The following PTK2 variants were observed in gnomAD, a reference collection of about 807,000 sequenced individuals.
PTK2 encodes protein tyrosine kinase 2.
Under a neutral mutation model 150.1 loss-of-function variants are expected in PTK2, and 45 were observed. The observed-to-expected ratio is 0.30, with a 90% CI of 0.24 to 0.38. PTK2 has a LOEUF of 0.38. Among genes scored for constraint, PTK2 ranks in the 10% least tolerant of loss-of-function variants. The pLI is 1.00. For synonymous variants in PTK2, 432 were observed against 449.2 expected (o/e 0.96, Z 0.48); for missense variants, 919 against 1,307.3 (o/e 0.70, Z 4.58).
chr8:140,683,814 G>C (rs1180841425), intron 27 of PTK2, among the ~76,000 whole-genome samples: 1 of 148,502 alleles, frequency 6.7e-6, no homozygotes, highest in Non-Finnish European at 1.5e-5. Flanking sequence ...CTCACTTCAT[G>C]TTAAAAACCC....
intron 23 of PTK2, among the ~76,000 whole-genome samples, chr8:140,707,248 A>T (rs2100034324): frequency 6.6e-6 from 1 of 152,188 alleles, no homozygotes; most frequent in Non-Finnish European, 1.5e-5. Flanking sequence ...GGTGATAAAA[A>T]TGTTATAGGC....
At chr8:140,992,596 G>A (rs1046699614) in intron 1 of PTK2, among the ~76,000 whole-genome samples, 2 of 152,146 alleles carry the variant, frequency 1.3e-5, no homozygotes, top group African/African-American at 2.4e-5. Context: ...CTACAATTCC[G>A]TCACTACTCT....
chr8:140,967,617 C>T (rs953808462), intron 1 of PTK2, among the ~76,000 whole-genome samples: 6 of 151,986 alleles, frequency 3.9e-5, no homozygotes, highest in East Asian at 1.9e-4. Flanking sequence ...CCTGCCACCA[C>T]GCCCAGCTAA....
intron 26 of PTK2, among the ~76,000 whole-genome samples, chr8:140,695,276 T>C (rs2100025832): frequency 6.6e-6 from 1 of 152,206 alleles, no homozygotes; most frequent in Non-Finnish European, 1.5e-5. Flanking sequence ...TCTTCTCTGC[T>C]CCTTCCCACT....
intron 22 of PTK2, among the ~76,000 whole-genome samples, chr8:140,731,117 G>A (rs2100049034): frequency 6.6e-6 from 1 of 151,906 alleles, no homozygotes; most frequent in African/African-American, 2.4e-5. Flanking sequence ...CTGCCACCAC[G>A]CCGGGCTAAT....
chr8:140,939,717 T>C (rs73714791), intron 1 of PTK2, among the ~76,000 whole-genome samples: 5,004 of 152,358 alleles, frequency 0.033, 282 homozygotes, highest in African/African-American at 0.11. Context: ...AACTAGGTAG[T>C]ATGTACACAT....
intron 1 of PTK2, among the ~76,000 whole-genome samples, chr8:140,954,234 C>A (rs962209643): frequency 6.6e-6 from 1 of 152,170 alleles, no homozygotes; most frequent in Non-Finnish European, 1.5e-5. Flanking sequence ...CCTGCCTCAA[C>A]CCCACAAAGT....
chr8:140,796,593 T>TAGA (rs768391481), intron 12 of PTK2, among the ~76,000 whole-genome samples: 8 of 152,150 alleles, frequency 5.3e-5, no homozygotes, highest in Non-Finnish European at 1.2e-4. Context: ...TGGGCATGGG[T>TAGA]AGAAAGGCAG....
chr8:140,854,966 A>G (rs2100131630), intron 5 of PTK2, among the ~76,000 whole-genome samples: 1 of 152,162 alleles, frequency 6.6e-6, no homozygotes, highest in Admixed American at 6.5e-5. Flanking sequence ...CACTGGCTAA[A>G]CCAAATATAT....
chr8:140,847,601 C>A (rs2100126355), intron 5 of PTK2, among the ~76,000 whole-genome samples: 1 of 152,130 alleles, frequency 6.6e-6, no homozygotes, highest in Non-Finnish European at 1.5e-5. Flanking sequence ...CAGCAGTACA[C>A]CTGTGTTACA....
At chr8:140,728,882 G>A (rs1318838890) in intron 22 of PTK2, among the ~76,000 whole-genome samples, 1 of 152,090 alleles carries the variant, frequency 6.6e-6, no homozygotes, top group East Asian at 1.9e-4. Flanking sequence ...TACAAGGGAG[G>A]CTTAGTAACT....
exon 10 of PTK2, chr8:140,818,350 C>T (rs1162584235): frequency 6.2e-7 from 1 of 1,613,594 alleles, no homozygotes; most frequent in Non-Finnish European, 8.5e-7. Context: ...AATAATCCAG[C>T]TTGACTTTTG....
chr8:140,914,973 C>A (rs965599423), intron 2 of PTK2, among the ~76,000 whole-genome samples: 1 of 129,406 alleles, frequency 7.7e-6, no homozygotes. Flanking sequence ...GCAGAGGTTG[C>A]GGTGAGCCGA....
At chr8:140,839,764 G>T (rs1316751825) in intron 7 of PTK2, among the ~76,000 whole-genome samples, 2 of 152,146 alleles carry the variant, frequency 1.3e-5, no homozygotes, top group Non-Finnish European at 2.9e-5. Flanking sequence ...TATATCTGTT[G>T]ATTATTAAAG....
At chr8:140,772,427 C>A (rs1403856008) in intron 14 of PTK2, among the ~76,000 whole-genome samples, 1 of 152,074 alleles carries the variant, frequency 6.6e-6, no homozygotes, top group Non-Finnish European at 1.5e-5. Flanking sequence ...CCTGTCTCGC[C>A]AAGATGGGCC....
At chr8:140,737,875 T>A (rs1035175543) in intron 21 of PTK2, among the ~76,000 whole-genome samples, 1 of 152,236 alleles carries the variant, frequency 6.6e-6, no homozygotes, top group African/African-American at 2.4e-5. Flanking sequence ...GCCTTGGGAT[T>A]TGAACACACA....
intron 1 of PTK2, among the ~76,000 whole-genome samples, chr8:140,965,796 G>A (rs1208245423): frequency 2.6e-5 from 4 of 152,168 alleles, no homozygotes; most frequent in East Asian, 3.9e-4. Context: ...AGAATCACTC[G>A]AATCCAGGAG....
chr8:141,001,666 C>G (rs976510741), upstream of PTK2, among the ~76,000 whole-genome samples: 1 of 152,158 alleles, frequency 6.6e-6, no homozygotes, highest in Non-Finnish European at 1.5e-5. Context: ...CCCCAAATCC[C>G]GAAGGGGTCC....
At chr8:140,983,433 G>A (rs899722436) in intron 1 of PTK2, among the ~76,000 whole-genome samples, 21 of 148,432 alleles carry the variant, frequency 1.4e-4, no homozygotes, top group Admixed American at 1.0e-3. Flanking sequence ...AATGATCTGA[G>A]AAACTGAAAC....
Sources: gnomAD v4.1 joint callset for allele counts (sites outside exome capture counted in the v4.1 genomes callset) on GRCh38, gnomAD v4.1.1 for gene constraint, MANE v1.5 for transcripts, NCBI Gene and HGNC (gene_info 2026-07-23, HGNC 2026-07-21) for gene names.